ARHGAP6: variants seen among roughly 807,000 people sequenced by gnomAD.
ARHGAP6 encodes the protein Rho GTPase activating protein 6, also known as rho GTPase-activating protein 6.
Under a neutral mutation model 55.7 loss-of-function variants are expected in ARHGAP6, and 16 were observed. That is an observed-to-expected ratio of 0.29 (90% CI 0.19 to 0.44). The LOEUF (loss-of-function observed/expected upper bound fraction) is 0.44. ARHGAP6 is among the 20% of genes least tolerant of loss of function. The pLI is 1.00. For missense variants in ARHGAP6, 698 were observed against 808.9 expected (o/e 0.86, Z 1.66); for synonymous variants, 382 against 360.9 (o/e 1.06, Z -0.66).
In ARHGAP6 at chrX:11,599,812, C is replaced by T. The variant is rs144259970; in HGVS notation, c.588+64429G>A. ...CACAAACCGGTAACTATGTGAGGTG[C>T]GGATATGATCATAAACTTGACTGTA... On this transcript the variant is annotated intron_variant, in intron 1 of 12. Transcript: ENST00000337414. 1.7e-3 allele frequency among the ~76,000 whole-genome samples: 185 copies of T among 111,653 alleles called. 2 individuals carry two copies. The highest frequency in any genetic ancestry group is 0.011 in the Admixed American group (118 of 10,503).
intron 5 of ARHGAP6, among the ~76,000 whole-genome samples, chrX:11,183,997 T>C (rs947391723): frequency 9.0e-6 from 1 of 111,648 alleles, no homozygotes; most frequent in African/African-American, 3.3e-5. Flanking sequence ...TGATGGGATA[T>C]TGGAGCTGCT....
chrX:11,195,346 T>C (rs766043044), intron 3 of ARHGAP6, among the ~76,000 whole-genome samples: 1 of 108,191 alleles, frequency 9.2e-6, no homozygotes, highest in South Asian at 4.1e-4. Flanking sequence ...GGCAAGACCC[T>C]GTCTTGAAAA....
At chrX:11,572,823 T>C (rs2051542407) in intron 1 of ARHGAP6, among the ~76,000 whole-genome samples, 1 of 111,641 alleles carries the variant, frequency 9.0e-6, no homozygotes, top group Admixed American at 9.5e-5. Flanking sequence ...AAAGTGTTCC[T>C]ATTTCTCCAT....
chrX:11,300,319 C>T (rs979176749), intron 1 of ARHGAP6, among the ~76,000 whole-genome samples: 1 of 111,158 alleles, frequency 9.0e-6, no homozygotes, highest in African/African-American at 3.3e-5. Flanking sequence ...AACAAAATAG[C>T]GTGATAAGCT....
At chrX:11,181,037 C>A (rs1476966300) in intron 6 of ARHGAP6, among the ~76,000 whole-genome samples, 2 of 112,287 alleles carry the variant, frequency 1.8e-5, no homozygotes, top group African/African-American at 6.5e-5. Context: ...ACACTCACAG[C>A]CGGTTGGCAG....
At chrX:11,553,243 A>ATTTTTTTTTTT (rs35101240) in intron 1 of ARHGAP6, among the ~76,000 whole-genome samples, 1 of 98,374 alleles carries the variant, frequency 1.0e-5, no homozygotes, top group Non-Finnish European at 2.1e-5. Flanking sequence ...TGCTTAGAAC[A>ATTTTTTTTTTT]TTTTTTTTTT....
chrX:11,638,121 A>C lies in ARHGAP6; in HGVS notation c.588+26120T>G, dbSNP rs1457886797. Among the ~76,000 whole-genome samples the C allele has an allele frequency of 6.3e-5, 7 of 111,574 alleles. No homozygotes were observed. The Admixed American group carries it at 6.7e-4, about 11-fold the overall frequency. The stretch of plus-strand genomic sequence containing the variant: ...CACCCTTTGAAAGCAAAATGTAAAT[A>C]GGTATCACCAGAAGAAACAAAAGTG... On this transcript the variant is annotated intron_variant, in intron 1 of 12. Coordinates refer to ENST00000337414, the MANE Select transcript of ARHGAP6 (RefSeq NM_013427.3).
intron 1 of ARHGAP6, among the ~76,000 whole-genome samples, chrX:11,342,704 T>C (rs182131331): frequency 2.1e-4 from 24 of 112,418 alleles, no homozygotes; most frequent in African/African-American, 7.1e-4. Flanking sequence ...CTACAAAATA[T>C]ATGGTAACAC....
chrX:11,577,264 G>C (rs766893469), intron 1 of ARHGAP6, among the ~76,000 whole-genome samples: 15 of 112,293 alleles, frequency 1.3e-4, no homozygotes, highest in African/African-American at 3.9e-4. Flanking sequence ...TGGTAGGGGA[G>C]TGAGAGGCAA....
At chrX:11,153,524 C>CAA (rs55669123) in intron 10 of ARHGAP6, among the ~76,000 whole-genome samples, 622 of 19,691 alleles carry the variant, frequency 0.032, 21 homozygotes, top group African/African-American at 0.07. Flanking sequence ...GACTCGATCT[C>CAA]AAAAAAAAAA....
In ARHGAP6 at chrX:11,664,709, C is replaced by G. The variant is rs932377391; in HGVS notation, c.120G>C (p.Pro40=). Residue 40 remains proline (P), a synonymous_variant, in exon 1 of 13, where the codon CCG becomes CCC. Coordinates refer to ENST00000337414, the MANE Select transcript of ARHGAP6 (RefSeq NM_013427.3). ...CGCTCCCGCAGCCGCCGATCAGGGC[C>G]GGGTCCAGGCTGCGGGTCTGGCGCA... ...RKLRQTRSLD[P]ALIGGCGSDE... is the part of the protein sequence containing the mutation. 9.3e-6 allele frequency: 11 copies of G among 1,185,296 alleles called. No homozygotes were observed. In the Admixed American group the frequency reaches 2.2e-4, roughly 24 times the overall value.
At chrX:11,410,884 G>T (rs1162957438) in intron 1 of ARHGAP6, among the ~76,000 whole-genome samples, 1 of 108,574 alleles carries the variant, frequency 9.2e-6, no homozygotes, top group Non-Finnish European at 1.9e-5. Context: ...ATACAAGTTA[G>T]AAAATTTTCA....
At chrX:11,548,279 T>G (rs757633730) in intron 1 of ARHGAP6, among the ~76,000 whole-genome samples, 3 of 112,008 alleles carry the variant, frequency 2.7e-5, no homozygotes, top group Non-Finnish European at 5.6e-5. Flanking sequence ...AAATCCTCTC[T>G]CCTAGTTTTT....
intron 9 of ARHGAP6, among the ~76,000 whole-genome samples, chrX:11,168,645 G>C (rs963022869): frequency 1.8e-5 from 2 of 112,145 alleles, no homozygotes; most frequent in Admixed American, 1.9e-4. Context: ...GCCACAAAAG[G>C]CTCTAGTGGA....
intron 1 of ARHGAP6, among the ~76,000 whole-genome samples, chrX:11,418,272 T>C (rs1472518795): frequency 6.2e-5 from 7 of 112,153 alleles, no homozygotes; most frequent in African/African-American, 2.3e-4. Context: ...CAGGTTGAAA[T>C]GAGAGTTTTC....
chrX:11,301,035 G>T (rs367667470), intron 1 of ARHGAP6, among the ~76,000 whole-genome samples: 1 of 111,568 alleles, frequency 9.0e-6, no homozygotes, highest in African/African-American at 3.2e-5. Flanking sequence ...ACCAAATGAA[G>T]GGAAGTTTAT....
At chrX:11,244,043 C>T (rs1353547363) in intron 2 of ARHGAP6, among the ~76,000 whole-genome samples, 4 of 111,837 alleles carry the variant, frequency 3.6e-5, no homozygotes, top group Non-Finnish European at 7.5e-5. Flanking sequence ...AATATAAGCA[C>T]TAAAACATCT....
rs1319931878 is a variant in ARHGAP6 at position 11,243,555 on chromosome X, G to T, written c.748+10993C>A. Among the ~76,000 whole-genome samples the T allele has an allele frequency of 2.7e-5, 3 of 112,029 alleles. No individual in the cohort carries two copies. In the East Asian group the frequency reaches 8.4e-4, roughly 31 times the overall value. On this transcript the variant is annotated intron_variant, in intron 2 of 12. Transcript: ENST00000337414. ...TCATGTGTCTATAGACTGCATGGTG[G>T]CATCAGTTGTTTAAACCAGTCATAA...
chrX:11,482,252 C>T (rs1163863981), intron 1 of ARHGAP6, among the ~76,000 whole-genome samples: 2 of 111,933 alleles, frequency 1.8e-5, no homozygotes, highest in East Asian at 5.6e-4. Flanking sequence ...GGAGGAGAAA[C>T]TCTACTCTCA....
Sources: gnomAD v4.1 joint callset for allele counts (sites outside exome capture counted in the v4.1 genomes callset) on GRCh38, gnomAD v4.1.1 for gene constraint, MANE v1.5 for transcripts, NCBI Gene and HGNC (gene_info 2026-07-23, HGNC 2026-07-21) for gene names.